Variants in WDFY3 observed in about 807,000 individuals in gnomAD.
WDFY3 encodes the protein WD repeat and FYVE domain-containing protein 3.
WDFY3 carries 66 observed loss-of-function variants against 409.6 expected under a neutral mutation model. That is an observed-to-expected ratio of 0.16 (90% CI 0.13 to 0.20). The LOEUF (loss-of-function observed/expected upper bound fraction) is 0.20. Among genes scored for constraint, WDFY3 ranks in the 10% least tolerant of loss-of-function variants. The probability of loss-of-function intolerance (pLI) is 1.00; values close to 1 mark genes in which losing one functional copy is unlikely to be tolerated. For synonymous variants in WDFY3, 1,521 were observed against 1,537.1 expected (o/e 0.99, Z 0.25); for missense variants, 3,031 against 4,298.1 (o/e 0.71, Z 8.24).
At position 84,861,083 on chromosome 4, in the gene WDFY3, C is replaced by T. The variant is rs142046407; in HGVS notation, c.-31-461G>A. Among the ~76,000 whole-genome samples the T allele has an allele frequency of 8.8e-3, 1,333 of 152,028 alleles. 16 individuals carry two copies. The highest frequency in any genetic ancestry group is 0.031 in the African/African-American group (1,270 of 41,452). The stretch of plus-strand genomic sequence containing the variant: ...AAAATTAGTCAGGTATGGTAGTGTG[C>T]GCGTATAGTCCCAAGTACTCAGGAG... On this transcript the variant is annotated intron_variant, in intron 3 of 67. Transcript: ENST00000295888.
intron 14 of WDFY3, chr4:84,808,872 G>A (rs1025897271): frequency 1.3e-5 from 2 of 151,546 alleles, no homozygotes; most frequent in Non-Finnish European, 2.9e-5. Flanking sequence ...TTTTACAATT[G>A]TTGTCAAAGC....
intron 2 of WDFY3, among the ~76,000 whole-genome samples, chr4:84,928,825 C>T (rs1002133461): frequency 4.6e-5 from 7 of 152,080 alleles, no homozygotes; most frequent in African/African-American, 1.2e-4. Context: ...ATGTTAATAA[C>T]GTAGCGAAGT....
chr4:84,795,986 G>A (rs557849128), intron 19 of WDFY3, among the ~76,000 whole-genome samples: 2 of 151,938 alleles, frequency 1.3e-5, no homozygotes, highest in East Asian at 3.9e-4. Context: ...ATTATACTAG[G>A]TAATTTGAAG....
chr4:84,879,721 C>T (rs1763240360), intron 3 of WDFY3, among the ~76,000 whole-genome samples: 1 of 151,672 alleles, frequency 6.6e-6, no homozygotes, highest in Non-Finnish European at 1.5e-5. Context: ...ATATTTGCAA[C>T]ATCTATAATG....
At chr4:84,870,741 A>G (rs902676853) in intron 3 of WDFY3, among the ~76,000 whole-genome samples, 1 of 152,166 alleles carries the variant, frequency 6.6e-6, no homozygotes, top group African/African-American at 2.4e-5. Context: ...AGGAAGGGAA[A>G]AGGAAGAATA....
intron 53 of WDFY3, among the ~76,000 whole-genome samples, chr4:84,707,642 T>C (rs1327214487): frequency 6.6e-6 from 1 of 152,202 alleles, no homozygotes; most frequent in East Asian, 1.9e-4. Flanking sequence ...CACTCCCTTC[T>C]CAGAAAACCA....
intron 1 of WDFY3, among the ~76,000 whole-genome samples, chr4:84,942,959 T>C (rs747899256): frequency 6.6e-6 from 1 of 152,230 alleles, no homozygotes; most frequent in Non-Finnish European, 1.5e-5. Context: ...CTTACGTATA[T>C]ACAGTAAACT....
chr4:84,726,166 G>C (rs1202044107), intron 45 of WDFY3, among the ~76,000 whole-genome samples: 1 of 152,070 alleles, frequency 6.6e-6, no homozygotes, highest in Non-Finnish European at 1.5e-5. Context: ...CATAGTTAGT[G>C]ATGGGCAAGA....
At position 84,705,530 on chromosome 4, in the gene WDFY3, C is replaced by T. The variant is rs555436184; in HGVS notation, c.8218-19G>A. 26 of 1,591,926 alleles carry T rather than the reference C, an allele frequency of 1.6e-5. No homozygotes were observed. In the South Asian group the frequency reaches 2.5e-4, roughly 16 times the overall value. On this transcript the variant is annotated intron_variant, in intron 53 of 67. Transcript: ENST00000295888. ...CCACCTCCTAAAATACAAAATGTAA[C>T]TCAATTCCAAGTTACTATACACTAT...
In WDFY3 at chr4:84,705,703, G is replaced by A. The variant is rs971720880; in HGVS notation, c.8218-192C>T. 3.3e-5 allele frequency among the ~76,000 whole-genome samples: 5 copies of A among 152,268 alleles called. No homozygotes were observed. The South Asian group carries it at 6.2e-4, about 19-fold the overall frequency. On this transcript the variant is annotated intron_variant, in intron 53 of 67. Transcript: ENST00000295888. Reference sequence around the variant, plus strand: ...ATACACACTTTACAGACAGGCACATGGGAGTTGGTTAACAGATTCAGTTGG... The same window carrying A: ...ATACACACTTTACAGACAGGCACATAGGAGTTGGTTAACAGATTCAGTTGG...
In WDFY3 at chr4:84,692,828, G is replaced by T. The variant is rs925216542; in HGVS notation, c.9049+57C>A. ...AAGCAAATTTGTTATTGTTAAACTG[G>T]GATTATTAACAATCCCATTAAATCA... On this transcript the variant is annotated intron_variant, in intron 59 of 67. Transcript: ENST00000295888. The T allele has an allele frequency of 4.0e-6, 6 of 1,501,810 alleles. No homozygotes were observed. The African/African-American group carries it at 8.5e-5, about 21-fold the overall frequency. The allele number at this position is 1,501,810 out of a possible 1,614,324, so 93.0% of individuals were successfully genotyped here.
chr4:84,775,164 A>AAAATC, intron 27 of WDFY3, 26 bp from the exon 28 acceptor site: 1 of 1,600,034 alleles, frequency 6.2e-7, no homozygotes, highest in Non-Finnish European at 8.5e-7. Flanking sequence ...ACAGTAGTAT[A>AAAATC]TTTAAGGTTA....
intron 62 of WDFY3, among the ~76,000 whole-genome samples, chr4:84,684,508 C>T (rs1727973412): frequency 6.6e-6 from 1 of 152,168 alleles, no homozygotes; most frequent in African/African-American, 2.4e-5. Context: ...CATCTAGAGG[C>T]AGGAATCCAC....
At chr4:84,720,804 C>G (rs537466706) in intron 47 of WDFY3, among the ~76,000 whole-genome samples, 10 of 150,298 alleles carry the variant, frequency 6.7e-5, no homozygotes, top group African/African-American at 2.5e-4. Flanking sequence ...CATGGACAAC[C>G]ACAATGAGTA....
rs201779163 is a variant in WDFY3, at chr4:84,938,584, CAGAG to C, written c.-225-6225_-225-6222del. 5.3e-5 allele frequency among the ~76,000 whole-genome samples: 8 copies of C among 152,162 alleles called. No individual in the cohort carries two copies. In the East Asian group the frequency reaches 1.5e-3, roughly 29 times the overall value. On this transcript the variant is annotated intron_variant, in intron 1 of 67. Coordinates refer to ENST00000295888, the MANE Select transcript of WDFY3 (RefSeq NM_014991.6). Reference sequence around the variant, plus strand: ...AAAAATGTTCATTCCAAACTGGTTCCAGAGAAAGAACCAAGCTCTTTATAAATGA... The same window carrying C: ...AAAAATGTTCATTCCAAACTGGTTCCAAAGAACCAAGCTCTTTATAAATGA...
chr4:84,856,164 CCT>C, intron 4 of WDFY3, among the ~76,000 whole-genome samples: 1 of 152,190 alleles, frequency 6.6e-6, no homozygotes, highest in Middle Eastern at 3.4e-3. Context: ...GTTTGGGTGA[CCT>C]CTCTCTTAAG....
At position 84,765,894 on chromosome 4, in the gene WDFY3, T is replaced by C. The variant is rs774271802; in HGVS notation, c.5104A>G (p.Ile1702Val). The C allele has an allele frequency of 4.3e-6, 7 of 1,613,980 alleles. No homozygotes were observed. Among genetic ancestry groups the C allele is most frequent in the Non-Finnish European group, 5.9e-6 (7 of 1,179,952 alleles). The change falls in exon 32 of 68, where the codon ATC (isoleucine) becomes GTC (valine). Residue 1702 changes from isoleucine to valine, a missense_variant. Ile to Val is a conservative substitution (Grantham distance 29). This residue lies in a region of WDFY3 where 342 missense variants were observed against 463.7 expected (regional missense o/e 0.74). Transcript: ENST00000295888. The stretch of plus-strand genomic sequence containing the variant: ...CCACTGAGTCCTTCTTTAAACTTGA[T>C]GAGAATAGACTGATTACTTAGTAGG... ...VVLLSNQSIL[I>V]KFKEGLSGGG...
intron 32 of WDFY3, among the ~76,000 whole-genome samples, chr4:84,759,383 AT>A (rs747147371): frequency 1.6e-4 from 24 of 152,140 alleles, no homozygotes; most frequent in Non-Finnish European, 3.4e-4. Context: ...GAATCGATAA[AT>A]TACCTTGGGC....
At chr4:84,949,531 G>T (rs1161722668) in intron 1 of WDFY3, among the ~76,000 whole-genome samples, 1 of 152,126 alleles carries the variant, frequency 6.6e-6, no homozygotes, top group African/African-American at 2.4e-5. Flanking sequence ...AGGTATATCA[G>T]AGCAATGAAA....
Sources: gnomAD v4.1 joint callset for allele counts (sites outside exome capture counted in the v4.1 genomes callset) on GRCh38, gnomAD v4.1.1 for gene constraint, gnomAD v4.1.1 regional missense constraint, MANE v1.5 for transcripts, NCBI Gene and HGNC (gene_info 2026-07-23, HGNC 2026-07-21) for gene names.